Variants in PTPRD observed in about 807,000 individuals in gnomAD.
PTPRD encodes the protein protein tyrosine phosphatase receptor type D.
In PTPRD, 34 loss-of-function variants were observed where a neutral mutation model predicts 214.5. The observed-to-expected ratio is 0.16, with a 90% confidence interval of 0.12 to 0.21. PTPRD has a LOEUF of 0.21. Ranked by LOEUF, PTPRD falls within the 10% of genes least tolerant of loss-of-function variation. The pLI is 1.00. For synonymous variants in PTPRD, 1,128 were observed against 845.7 expected, an observed-to-expected ratio of 1.33 and a Z score of -5.79; for missense variants, 2,545 against 2,398.7, an observed-to-expected ratio of 1.06 and a Z score of -1.27.
At chr9:8,324,005 A>G (rs980259605) in intron 44 of PTPRD, among the ~76,000 whole-genome samples, 1 of 151,924 alleles carries the variant, frequency 6.6e-6, no homozygotes, top group African/African-American at 2.4e-5. Context: ...TTCAGAAACC[A>G]CCGCCCATCG....
rs184012195 is a variant in PTPRD at position 9,529,139 on chromosome 9, A to G, written c.-237+45593T>C. ...GATAGAGATGGGGTTTCACCATGTT[A>G]GCCAGACTGGTCTCGAACTCCTGAC... On this transcript the variant is annotated intron_variant, in intron 8 of 45. Coordinates refer to ENST00000381196, the MANE Select transcript of PTPRD (RefSeq NM_002839.4). 4.6e-5 allele frequency among the ~76,000 whole-genome samples: 7 copies of G among 151,838 alleles called. No individual in the cohort carries two copies. In the East Asian group the frequency reaches 5.8e-4, roughly 13 times the overall value.
chr9:10,053,660 C>T (rs1435392891), intron 3 of PTPRD, among the ~76,000 whole-genome samples: 2 of 152,122 alleles, frequency 1.3e-5, no homozygotes, highest in Non-Finnish European at 2.9e-5. Context: ...ATCTTGTAAT[C>T]ATCACAGAAT....
chr9:8,360,214 G>C (rs2078131041), intron 39 of PTPRD, among the ~76,000 whole-genome samples: 1 of 152,162 alleles, frequency 6.6e-6, no homozygotes, highest in Non-Finnish European at 1.5e-5. Context: ...AAGTACCATT[G>C]AATTAGGTAA....
rs113092220 is a variant in PTPRD at position 9,572,561 on chromosome 9, G to GTATA, written c.-237+2167_-237+2170dup. ...GATATATACAATGGCATATATATAT[G>GTATA]TATATATATATATATATATGTGTAT... On this transcript the variant is annotated intron_variant, in intron 8 of 45. Transcript: ENST00000381196. 1.6e-3 allele frequency among the ~76,000 whole-genome samples: 224 copies of GTATA among 140,812 alleles called. 1 individual carries two copies. The highest frequency in any genetic ancestry group is 3.8e-3 in the Middle Eastern group (1 of 264). The allele number at this position is 140,812 out of a possible 152,430, so 92.4% of individuals were successfully genotyped here.
intron 10 of PTPRD, among the ~76,000 whole-genome samples, chr9:9,135,128 A>T (rs1463208473): frequency 6.6e-6 from 1 of 152,218 alleles, no homozygotes; most frequent in Non-Finnish European, 1.5e-5. Context: ...GTCTGGAATT[A>T]TAACTTTACC....
chr9:10,508,424 G>T (rs765739108), intron 2 of PTPRD, among the ~76,000 whole-genome samples: 16 of 152,128 alleles, frequency 1.1e-4, no homozygotes, highest in Non-Finnish European at 2.2e-4. Context: ...AATACCACTG[G>T]ACCCAGCCAT....
At chr9:9,113,064 A>C (rs1341824959) in intron 10 of PTPRD, among the ~76,000 whole-genome samples, 1 of 151,568 alleles carries the variant, frequency 6.6e-6, no homozygotes, top group Non-Finnish European at 1.5e-5. Context: ...ACCTGGACCC[A>C]AGTGATCCTC....
rs886722040 is a variant in PTPRD, at chr9:9,281,473, T to C, written c.-202-98110A>G. ...AGCCTTGATAAAGAAGACATGAAGA[T>C]AGCTAATAGATATATGAAAAATCTT... is the stretch of plus-strand genomic sequence containing the variant. On this transcript the variant is annotated intron_variant, in intron 9 of 45. Coordinates refer to ENST00000381196, the MANE Select transcript of PTPRD (RefSeq NM_002839.4). 4.6e-5 allele frequency among the ~76,000 whole-genome samples: 7 copies of C among 151,344 alleles called. No individual in the cohort carries two copies. In the South Asian group the frequency reaches 1.0e-3, roughly 22 times the overall value.
chr9:10,315,561 A>C (rs1305339849), intron 3 of PTPRD, among the ~76,000 whole-genome samples: 1 of 151,924 alleles, frequency 6.6e-6, no homozygotes, highest in East Asian at 1.9e-4. Flanking sequence ...ACTTTTAAAC[A>C]ATGTGTTTGC....
At chr9:9,665,616 G>C (rs2096707216) in intron 7 of PTPRD, among the ~76,000 whole-genome samples, 1 of 151,764 alleles carries the variant, frequency 6.6e-6, no homozygotes, top group Non-Finnish European at 1.5e-5. Flanking sequence ...ATTTAGGTCT[G>C]TGGAATTTCG....
intron 5 of PTPRD, among the ~76,000 whole-genome samples, chr9:9,866,525 G>T (rs1455135768): frequency 6.6e-6 from 1 of 151,938 alleles, no homozygotes. Context: ...ATATCAAAAA[G>T]AAACAGGTAA....
At chr9:8,422,284 T>G (rs1461471094) in intron 35 of PTPRD, among the ~76,000 whole-genome samples, 1 of 151,412 alleles carries the variant, frequency 6.6e-6, no homozygotes, top group Non-Finnish European at 1.5e-5. Context: ...TTTCTTCCCA[T>G]AAGTAAAATT....
At chr9:9,648,418 C>T (rs2096251348) in intron 7 of PTPRD, among the ~76,000 whole-genome samples, 1 of 152,184 alleles carries the variant, frequency 6.6e-6, no homozygotes, top group African/African-American at 2.4e-5. Flanking sequence ...TCATAACGTT[C>T]TGTCTTCTAA....
At chr9:8,391,311 C>G (rs992300810) in intron 36 of PTPRD, among the ~76,000 whole-genome samples, 5 of 152,106 alleles carry the variant, frequency 3.3e-5, no homozygotes, top group Non-Finnish European at 5.9e-5. Flanking sequence ...GATGAACACA[C>G]GGATATGGAA....
chr9:8,730,496 T>C (rs184277718), intron 12 of PTPRD, among the ~76,000 whole-genome samples: 19 of 152,332 alleles, frequency 1.2e-4, no homozygotes, highest in Admixed American at 6.5e-4. Context: ...TTAATTATAA[T>C]GACCACAGTG....
At chr9:9,653,294 A>G (rs1007786250) in intron 7 of PTPRD, among the ~76,000 whole-genome samples, 5 of 126,400 alleles carry the variant, frequency 4.0e-5, no homozygotes, top group African/African-American at 1.5e-4. Flanking sequence ...GTGAGCCGAG[A>G]TTGCGCCACT....
At chr9:10,528,949 A>G (rs2055204391) in intron 2 of PTPRD, among the ~76,000 whole-genome samples, 1 of 152,216 alleles carries the variant, frequency 6.6e-6, no homozygotes, top group African/African-American at 2.4e-5. Flanking sequence ...GATGGAAAAA[A>G]GAGAAATTGA....
intron 5 of PTPRD, among the ~76,000 whole-genome samples, chr9:9,911,269 C>G (rs1036386972): frequency 6.6e-6 from 1 of 152,184 alleles, no homozygotes. Flanking sequence ...TCGTCCCATA[C>G]TGCATTGTGA....
chr9:9,229,504 A>G (rs2099961747), intron 9 of PTPRD, among the ~76,000 whole-genome samples: 1 of 152,088 alleles, frequency 6.6e-6, no homozygotes, highest in Non-Finnish European at 1.5e-5. Flanking sequence ...AAAGCATCCA[A>G]TTGGCCAAGC....
Sources: gnomAD v4.1 joint callset for allele counts (sites outside exome capture counted in the v4.1 genomes callset) on GRCh38, gnomAD v4.1.1 for gene constraint, MANE v1.5 for transcripts, NCBI Gene and HGNC (gene_info 2026-07-23, HGNC 2026-07-21) for gene names.